The following ZNF44 variants were observed in gnomAD, a reference collection of about 807,000 sequenced individuals.
The protein encoded by ZNF44 is zinc finger protein 44, also known as gonadotropin inducible transcription repressor-2.
Under a neutral mutation model 11.7 loss-of-function variants are expected in ZNF44, and 9 were observed. The ratio of observed to expected loss-of-function variants is 0.77; its 90% CI spans 0.46 to 1.35. The LOEUF (loss-of-function observed/expected upper bound fraction) is 1.35, where lower values mean the gene tolerates loss of function less well. Ranked by LOEUF, ZNF44 falls within the 40% of genes most tolerant of loss-of-function variation. The pLI is 0.00. For missense variants in ZNF44, 696 were observed against 743.1 expected (o/e 0.94, Z 0.74); for synonymous variants, 224 against 242.7 (o/e 0.92, Z 0.72).
chr19:12,262,416 G>A (rs1045415933), intron 5 of ZNF44, among the ~76,000 whole-genome samples: 18 of 151,690 alleles, frequency 1.2e-4, no homozygotes, highest in African/African-American at 3.4e-4. Flanking sequence ...GATTACAGGC[G>A]CACACCACCA....
At chr19:12,279,491 C>CA (rs1967376199) in intron 1 of ZNF44, among the ~76,000 whole-genome samples, 1 of 151,728 alleles carries the variant, frequency 6.6e-6, no homozygotes, top group South Asian at 2.1e-4. Flanking sequence ...CCCCCACCCC[C>CA]AAAAAAACCC....
Position 12,294,848 on chromosome 19 carries a change from C to A in ZNF44, c.-154G>T. The A allele has an allele frequency of 1.2e-6, 1 of 807,672 alleles. No individual in the cohort carries two copies. Among genetic ancestry groups the A allele is most frequent in the South Asian group, 2.0e-5 (1 of 50,240 alleles). The allele number at this position is 807,672 out of a possible 1,614,324, so 50.0% of individuals were successfully genotyped here. A position where few individuals can be genotyped will look rare whatever the true frequency, so the allele number is the denominator to read the frequency against. On this transcript the variant is annotated 5_prime_UTR_variant, in exon 1 of 4. Transcript: ENST00000355684. ...GTGAAGAGGCCACTAGCTCCTGGAA[C>A]GTCACACCCTCCTCTCTGCCTCGCG...
intron 5 of ZNF44, among the ~76,000 whole-genome samples, chr19:12,257,045 G>A (rs1917291366): frequency 6.6e-6 from 1 of 152,092 alleles, no homozygotes; most frequent in African/African-American, 2.4e-5. Flanking sequence ...CTGTGCTCCT[G>A]AAGAAAGGTA....
In ZNF44 at chr19:12,291,796, A is replaced by G. The variant is rs537227207; in HGVS notation, c.3+2896T>C. 1.1e-4 allele frequency among the ~76,000 whole-genome samples: 17 copies of G among 152,204 alleles called. No homozygotes were observed. In the South Asian group the frequency reaches 3.3e-3, roughly 30 times the overall value. ...CACCTGAGGTCAGGAGTTCAAGACC[A>G]GCCTGGCCAGCAAGGTGAAACCCTG... On this transcript the variant is annotated intron_variant, in intron 1 of 3. Coordinates refer to ENST00000355684, the MANE Select transcript of ZNF44 (RefSeq NM_016264.4).
intron 1 of ZNF44, among the ~76,000 whole-genome samples, chr19:12,294,028 G>A: frequency 6.6e-6 from 1 of 152,412 alleles, no homozygotes; most frequent in South Asian, 2.1e-4. Flanking sequence ...TCAGGTCACA[G>A]CAGACGCTGA....
chr19:12,258,526 C>T (rs1335845855), intron 5 of ZNF44, among the ~76,000 whole-genome samples: 3 of 151,866 alleles, frequency 2.0e-5, no homozygotes, highest in African/African-American at 7.3e-5. Flanking sequence ...TTGTAACTGC[C>T]AAATACCTAA....
At chr19:12,277,055 TG>T (rs1296047925) in intron 1 of ZNF44, among the ~76,000 whole-genome samples, 1 of 152,186 alleles carries the variant, frequency 6.6e-6, no homozygotes, top group Non-Finnish European at 1.5e-5. Context: ...GGTATCCTGT[TG>T]TAAGTAACAA....
At chr19:12,268,952 G>A (rs995699966), downstream of ZNF44, among the ~76,000 whole-genome samples, 5 of 152,016 alleles carry the variant, frequency 3.3e-5, no homozygotes, top group African/African-American at 7.2e-5. Context: ...CTATGTTGCT[G>A]AGACTAGTCT....
intron 5 of ZNF44, among the ~76,000 whole-genome samples, chr19:12,264,829 G>A (rs1020240902): frequency 3.3e-5 from 5 of 152,012 alleles, no homozygotes; most frequent in Non-Finnish European, 7.4e-5. Context: ...CAAAATAGGT[G>A]GGACCACAGG....
In ZNF44 at chr19:12,273,164, G is replaced by A. The variant is rs374255890; in HGVS notation, c.1091C>T (p.Pro364Leu). 5.6e-6 allele frequency: 9 copies of A among 1,613,626 alleles called. No homozygotes were observed. The highest frequency in any genetic ancestry group is 7.6e-6 in the Non-Finnish European group (9 of 1,179,728). The change falls in exon 4 of 4, where the codon CCC becomes CTC. Residue 364 changes from proline to leucine, a missense_variant. Pro to Leu is a moderately conservative substitution (Grantham distance 98, BLOSUM62 -3). Transcript: ENST00000355684. ...TTTCCCACATTGCTTACATTCATAGGGTTTCTCTAGAGTGTGAGTTCCTTC... is the reference window on the plus strand; with the variant it reads ...TTTCCCACATTGCTTACATTCATAGAGTTTCTCTAGAGTGTGAGTTCCTTC... ...IHEGTHTLEK[P>L]YECKQCGKLL...
chr19:12,256,090 G>A (rs1021537302), intron 5 of ZNF44, among the ~76,000 whole-genome samples: 1 of 149,364 alleles, frequency 6.7e-6, no homozygotes, highest in African/African-American at 2.5e-5. Flanking sequence ...AGGAGTCAGA[G>A]GGCATTAATT....
chr19:12,285,487 C>T (rs1472619498), intron 1 of ZNF44, among the ~76,000 whole-genome samples: 1 of 152,162 alleles, frequency 6.6e-6, no homozygotes, highest in Non-Finnish European at 1.5e-5. Context: ...CTCCTGACCT[C>T]AGGTGATCCA....
chr19:12,256,695 CTCTTT>C (rs1350369697), intron 5 of ZNF44, among the ~76,000 whole-genome samples: 12 of 135,048 alleles, frequency 8.9e-5, no homozygotes, highest in African/African-American at 3.5e-4. Flanking sequence ...AGAGCAATTA[CTCTTT>C]TTTTTTTTTT....
intron 1 of ZNF44, among the ~76,000 whole-genome samples, chr19:12,282,455 T>G (rs1967514516): frequency 6.8e-6 from 1 of 146,648 alleles, no homozygotes; most frequent in Non-Finnish European, 1.5e-5. Flanking sequence ...GGAGTCTTGC[T>G]CTGTCACCCA....
intron 2 of ZNF44, among the ~76,000 whole-genome samples, chr19:12,233,431 C>T (rs1389064610): frequency 1.3e-5 from 2 of 151,660 alleles, no homozygotes; most frequent in African/African-American, 2.4e-5. Context: ...ATAGTCCAAT[C>T]GGTCTCTAAA....
Position 12,284,996 on chromosome 19 carries a change from C to T in ZNF44, c.4-8914G>A, listed in dbSNP as rs551184754. On this transcript the variant is annotated intron_variant, in intron 1 of 3. Coordinates refer to ENST00000355684, the MANE Select transcript of ZNF44 (RefSeq NM_016264.4). ...ACACCTCAGCCCGGGGCTGCACTGC[C>T]ATCCTGGGCAACTTCGCCAAGGCCA... 308 of 712,742 alleles carry T rather than the reference C, an allele frequency of 4.3e-4. 1 individual carries two copies. Among genetic ancestry groups the T allele is most frequent in the African/African-American group, 4.3e-3 (247 of 57,512 alleles). The allele number at this position is 712,742 out of a possible 1,614,324, so 44.2% of individuals were successfully genotyped here. A position where few individuals can be genotyped will look rare whatever the true frequency, so the allele number is the denominator to read the frequency against.
Position 12,272,282 on chromosome 19 carries a change from T to C in ZNF44, c.*125A>G. 1.5e-6 allele frequency: 2 copies of C among 1,366,912 alleles called. No individual in the cohort carries two copies. The highest frequency in any genetic ancestry group is 2.0e-5 in the South Asian group (1 of 50,916). The allele number at this position is 1,366,912 out of a possible 1,614,324, so 84.7% of individuals were successfully genotyped here. Reference sequence around the variant, plus strand: ...CCTCTCAAAGTGCTGGGATTACAGGTGTGAGCCGCTGCGCCCAGCCTGGAA... The same window carrying C: ...CCTCTCAAAGTGCTGGGATTACAGGCGTGAGCCGCTGCGCCCAGCCTGGAA... On this transcript the variant is annotated 3_prime_UTR_variant, in exon 4 of 4. Transcript: ENST00000355684.
chr19:12,272,759 C>G lies in ZNF44; in HGVS notation c.1496G>C (p.Ser499Thr). ...TTGACACTCATAAGATTTTTCTTCA[C>G]TGTGAGTCCTTTCATGGCGACAAAA... ...KYFCRHERTH[S>T]EEKSYECQIC... The change falls in exon 4 of 4, where the codon AGT becomes ACT. Residue 499 changes from serine to threonine, a missense_variant. Ser to Thr is a moderately conservative substitution (Grantham distance 58). Transcript: ENST00000355684. 3.1e-6 allele frequency: 5 copies of G among 1,613,544 alleles called. No homozygotes were observed. Among genetic ancestry groups the G allele is most frequent in the Non-Finnish European group, 4.2e-6 (5 of 1,179,554 alleles).
At chr19:12,247,831 AG>A in exon 8 of ZNF44, 1 of 1,296,392 alleles carries the variant, frequency 7.7e-7, no homozygotes, top group Non-Finnish European at 1.0e-6. Context: ...AAAGGAGACA[AG>A]TAAGTTTTCC....
Sources: allele counts gnomAD v4.1 joint callset (sites outside exome capture counted in the v4.1 genomes callset), GRCh38; gene constraint gnomAD v4.1.1; transcripts MANE v1.5; gene names NCBI Gene and HGNC (gene_info 2026-07-23, HGNC 2026-07-21).